The following WDR7 variants were observed in gnomAD, a reference collection of about 807,000 sequenced individuals.
WDR7 encodes WD repeat domain 7, also known as WD repeat-containing protein 7.
In WDR7, 46 loss-of-function variants were observed where a neutral mutation model predicts 169.4. The observed-to-expected ratio is 0.27, with a 90% CI of 0.21 to 0.35. The LOEUF (loss-of-function observed/expected upper bound fraction) is 0.35, where lower values mean the gene tolerates loss of function less well. Among genes scored for constraint, WDR7 ranks in the 10% least tolerant of loss-of-function variants. The pLI is 1.00. For missense variants in WDR7, 1,534 were observed against 1,859.3 expected (o/e 0.83, Z 3.22); for synonymous variants, 612 against 666.8 (o/e 0.92, Z 1.27).
At chr18:56,779,749 T>C (rs1224568199) in intron 18 of WDR7, among the ~76,000 whole-genome samples, 200 bp downstream of exon 18, 1 of 152,220 alleles carries the variant, frequency 6.6e-6, no homozygotes, top group East Asian at 1.9e-4. Flanking sequence ...TTTATTCGTT[T>C]ACTTTTAAAG....
chr18:56,754,217 A>G (rs916734351), intron 14 of WDR7, among the ~76,000 whole-genome samples: 4 of 150,310 alleles, frequency 2.7e-5, no homozygotes, highest in Non-Finnish European at 4.4e-5. Context: ...AAGGGTAAGC[A>G]GCAGTATATC....
chr18:56,896,969 G>A (rs2046340517), intron 21 of WDR7, among the ~76,000 whole-genome samples: 1 of 151,848 alleles, frequency 6.6e-6, no homozygotes, highest in South Asian at 2.1e-4. Flanking sequence ...TAAAAAATAA[G>A]AAAAAGAGAA....
chr18:56,714,248 A>C (rs1451637329), intron 12 of WDR7, among the ~76,000 whole-genome samples: 1 of 152,112 alleles, frequency 6.6e-6, no homozygotes, highest in African/African-American at 2.4e-5. Flanking sequence ...AAAAGCACAG[A>C]ACCATCTTTT....
Position 56,682,774 on chromosome 18 carries a change from A to G in WDR7, c.441A>G (p.Glu147=). 6.2e-7 allele frequency: 1 copy of G among 1,613,856 alleles called. No homozygotes were observed. The highest frequency in any genetic ancestry group is 8.5e-7 in the Non-Finnish European group (1 of 1,179,792). Reference sequence around the variant, plus strand: ...TTGTTGTGGATGCTACCAGCCTTGAAGTATTATACTCCTTAGTATCAAAGA... The same window carrying G: ...TTGTTGTGGATGCTACCAGCCTTGAGGTATTATACTCCTTAGTATCAAAGA... The part of the protein sequence containing the change: ...EILVVDATSL[E]VLYSLVSKIS... Residue 147 remains glutamate (E), a synonymous_variant, in exon 5 of 28, where the codon GAA becomes GAG. Transcript: ENST00000254442.
intron 12 of WDR7, among the ~76,000 whole-genome samples, chr18:56,716,270 T>C (rs1220085374): frequency 2.0e-5 from 3 of 152,198 alleles, no homozygotes; most frequent in East Asian, 1.9e-4. Flanking sequence ...GCTTAAAACA[T>C]GCTTAAGAAA....
intron 26 of WDR7, among the ~76,000 whole-genome samples, chr18:57,015,364 T>C (rs923031455): frequency 2.6e-5 from 4 of 152,390 alleles, no homozygotes; most frequent in Middle Eastern, 6.8e-3. Context: ...GTTGAATCTA[T>C]AATTTGTTTC....
At chr18:56,796,442 A>G (rs193278559) in intron 19 of WDR7, among the ~76,000 whole-genome samples, 1 of 152,204 alleles carries the variant, frequency 6.6e-6, no homozygotes, top group Non-Finnish European at 1.5e-5. Context: ...TTTCTTTAAG[A>G]CTAGTGATTT....
At chr18:56,814,450 A>G (rs2044929042) in intron 19 of WDR7, among the ~76,000 whole-genome samples, 1 of 152,116 alleles carries the variant, frequency 6.6e-6, no homozygotes, top group African/African-American at 2.4e-5. Context: ...TGTGATGTTT[A>G]CCTTCTCATC....
chr18:56,894,540 C>G (rs758542083), intron 21 of WDR7, among the ~76,000 whole-genome samples: 145 of 152,148 alleles, frequency 9.5e-4, no homozygotes, highest in Middle Eastern at 3.4e-3. Context: ...TCTATTTAAT[C>G]CTGCAAACTG....
chr18:56,935,735 C>A, intron 22 of WDR7, 53 bp from the exon 23 acceptor site: 6 of 1,523,528 alleles, frequency 3.9e-6, no homozygotes, highest in South Asian at 1.1e-5. Flanking sequence ...TCTTTTCAGT[C>A]CATATTTCTA....
At position 56,794,727 on chromosome 18, in the gene WDR7, A is replaced by G. The variant is rs551383598; in HGVS notation, c.3190+13071A>G. 2.6e-5 allele frequency among the ~76,000 whole-genome samples: 4 copies of G among 152,330 alleles called. 1 individual carries two copies. The highest frequency in any genetic ancestry group is 7.2e-5 in the African/African-American group (3 of 41,578). On this transcript the variant is annotated intron_variant, in intron 19 of 27. Coordinates refer to ENST00000254442, the MANE Select transcript of WDR7 (RefSeq NM_015285.3). ...TGTTTCTATTTTGCCAATATGTTTC[A>G]TAATTTTTTCAAAGTTTGTTTATGC...
At chr18:56,728,630 A>G (rs1173556661) in intron 13 of WDR7, among the ~76,000 whole-genome samples, 1 of 152,036 alleles carries the variant, frequency 6.6e-6, no homozygotes, top group Non-Finnish European at 1.5e-5. Context: ...TTTGGGCCCC[A>G]TCCCATCCCC....
At chr18:56,756,105 T>G (rs2043882628) in intron 14 of WDR7, among the ~76,000 whole-genome samples, 1 of 152,188 alleles carries the variant, frequency 6.6e-6, no homozygotes, top group Non-Finnish European at 1.5e-5. Context: ...AATATGTTCT[T>G]TATTCAGGGA....
intron 12 of WDR7, among the ~76,000 whole-genome samples, chr18:56,712,025 G>C (rs563396089): frequency 1.3e-5 from 2 of 152,288 alleles, no homozygotes; most frequent in East Asian, 1.9e-4. Flanking sequence ...TTCAGGCCAA[G>C]AGAAAAATTG....
At chr18:56,927,367 G>A (rs1323731691) in intron 22 of WDR7, among the ~76,000 whole-genome samples, 8 of 152,164 alleles carry the variant, frequency 5.3e-5, no homozygotes, top group African/African-American at 1.9e-4. Flanking sequence ...AGCACTTTGG[G>A]AGGTTGAGGT....
chr18:56,985,403 C>T (rs2047699324), intron 26 of WDR7, among the ~76,000 whole-genome samples: 1 of 152,036 alleles, frequency 6.6e-6, no homozygotes, highest in Admixed American at 6.6e-5. Flanking sequence ...TAAAATATAT[C>T]ACAAGGATTA....
At chr18:56,718,915 A>G (rs1442237402) in intron 13 of WDR7, among the ~76,000 whole-genome samples, 5 of 152,190 alleles carry the variant, frequency 3.3e-5, no homozygotes, top group Non-Finnish European at 5.9e-5. Flanking sequence ...AAATCAGACT[A>G]TATACATATT....
At chr18:56,762,409 A>G (rs2043992742) in intron 16 of WDR7, among the ~76,000 whole-genome samples, 1 of 152,026 alleles carries the variant, frequency 6.6e-6, no homozygotes, top group Admixed American at 6.5e-5. Flanking sequence ...ATTTAGATCT[A>G]GAGTTTTCTT....
At chr18:56,781,967 A>G (rs2044324266) in intron 19 of WDR7, 1 of 179,272 alleles carries the variant, frequency 5.6e-6, no homozygotes, top group Non-Finnish European at 1.2e-5. Flanking sequence ...TATTATGCTT[A>G]TGGATGCCAG....
Sources: allele counts gnomAD v4.1 joint callset (sites outside exome capture counted in the v4.1 genomes callset), GRCh38; gene constraint gnomAD v4.1.1; transcripts MANE v1.5; gene names NCBI Gene and HGNC (gene_info 2026-07-23, HGNC 2026-07-21).